PTPRD: variants seen among roughly 807,000 people sequenced by gnomAD.
The protein encoded by PTPRD is protein tyrosine phosphatase receptor type D, also known as receptor-type tyrosine-protein phosphatase delta.
PTPRD carries 34 observed loss-of-function variants against 214.5 expected under a neutral mutation model. The observed-to-expected ratio is 0.16, with a 90% CI of 0.12 to 0.21. PTPRD has a LOEUF of 0.21. PTPRD is among the 10% of genes least tolerant of loss of function. The pLI is 1.00. For missense variants in PTPRD, 2,545 were observed against 2,398.7 expected, an observed-to-expected ratio of 1.06 and a Z score of -1.27; for synonymous variants, 1,128 against 845.7, an observed-to-expected ratio of 1.33 and a Z score of -5.79.
chr9:10,475,500 C>A (rs2131888276), intron 2 of PTPRD, among the ~76,000 whole-genome samples: 1 of 151,822 alleles, frequency 6.6e-6, no homozygotes, highest in Non-Finnish European at 1.5e-5. Context: ...AATAGCCTAC[C>A]AACCAAAAAA....
chr9:9,374,658 T>C (rs1013170116), intron 9 of PTPRD, among the ~76,000 whole-genome samples: 1 of 152,200 alleles, frequency 6.6e-6, no homozygotes, highest in East Asian at 1.9e-4. Flanking sequence ...CCTCAATACG[T>C]TGTAACAAAT....
chr9:9,502,136 T>C (rs969934631), intron 8 of PTPRD, among the ~76,000 whole-genome samples: 1 of 151,868 alleles, frequency 6.6e-6, no homozygotes, highest in Non-Finnish European at 1.5e-5. Context: ...TATGAACACT[T>C]AAGAGCTATC....
intron 14 of PTPRD, among the ~76,000 whole-genome samples, chr9:8,611,099 C>T (rs369888783): frequency 9.9e-5 from 15 of 152,250 alleles, no homozygotes; most frequent in South Asian, 4.1e-4. Context: ...CAAAAGATTA[C>T]ATTTCTTATA....
chr9:10,171,797 A>C (rs1057306781), intron 3 of PTPRD, among the ~76,000 whole-genome samples: 1 of 152,202 alleles, frequency 6.6e-6, no homozygotes. Flanking sequence ...TGCTGGGATT[A>C]CAGGCATGAG....
chr9:8,812,761 A>G lies in PTPRD; in HGVS notation c.-103-78815T>C, dbSNP rs111683813. ...GCTTGAAGGCTAATAAAATATACAA[A>G]CTTTTTTTTTAAAGACAGTAATGAT... On this transcript the variant is annotated intron_variant, in intron 11 of 45. Transcript: ENST00000381196. 3.0e-4 allele frequency among the ~76,000 whole-genome samples: 45 copies of G among 151,648 alleles called. 1 individual carries two copies. The highest frequency in any genetic ancestry group is 1.1e-3 in the African/African-American group (45 of 41,350).
At chr9:10,598,704 G>GTGT (rs57813093) in intron 2 of PTPRD, among the ~76,000 whole-genome samples, 1 of 109,420 alleles carries the variant, frequency 9.1e-6, no homozygotes, top group Non-Finnish European at 1.8e-5. Context: ...GTGTGTGTGT[G>GTGT]GTGTGTGGTG....
intron 10 of PTPRD, among the ~76,000 whole-genome samples, chr9:9,128,473 A>G (rs1217955217): frequency 1.3e-5 from 2 of 152,352 alleles, no homozygotes; most frequent in East Asian, 3.9e-4. Flanking sequence ...TTATACACGT[A>G]TGCATAATAA....
intron 2 of PTPRD, among the ~76,000 whole-genome samples, chr9:10,418,403 T>C (rs1239404912): frequency 1.3e-5 from 2 of 150,344 alleles, no homozygotes; most frequent in South Asian, 2.1e-4. Context: ...TTCTCTCTAC[T>C]AGTGGGGCCT....
intron 9 of PTPRD, among the ~76,000 whole-genome samples, chr9:9,275,495 C>A (rs1230552846): frequency 6.6e-6 from 1 of 150,930 alleles, no homozygotes; most frequent in Non-Finnish European, 1.5e-5. Context: ...TTACATATCT[C>A]AGTCTTGGAA....
chr9:8,318,022 C>T, intron 45 of PTPRD, 80 bp from the exon 46 acceptor site: 1 of 1,294,498 alleles, frequency 7.7e-7, no homozygotes, highest in Non-Finnish European at 1.1e-6. Flanking sequence ...ATCAATATTG[C>T]ATAACAAAAT....
At chr9:9,884,350 C>A (rs557689159) in intron 5 of PTPRD, among the ~76,000 whole-genome samples, 19 of 152,218 alleles carry the variant, frequency 1.2e-4, no homozygotes, top group African/African-American at 4.6e-4. Flanking sequence ...AAGAAAGCAA[C>A]AACATCTATT....
chr9:9,783,766 C>A (rs1173703508), intron 5 of PTPRD, among the ~76,000 whole-genome samples: 1 of 151,576 alleles, frequency 6.6e-6, no homozygotes, highest in Non-Finnish European at 1.5e-5. Context: ...TGATTTTTCA[C>A]CACCTTTATC....
rs1176727192 is a variant in PTPRD at position 9,237,774 on chromosome 9, A to AT, written c.-202-54412dup. 5.3e-5 allele frequency among the ~76,000 whole-genome samples: 8 copies of AT among 151,816 alleles called. No homozygotes were observed. The East Asian group carries it at 7.7e-4, about 15-fold the overall frequency. The stretch of plus-strand genomic sequence containing the variant: ...AGAACTTCTTAGTCAACTAAAACCC[A>AT]TTTTTTCAAATCCCTGCTATCTATA... On this transcript the variant is annotated intron_variant, in intron 9 of 45. Coordinates refer to ENST00000381196, the MANE Select transcript of PTPRD (RefSeq NM_002839.4).
intron 3 of PTPRD, among the ~76,000 whole-genome samples, chr9:10,050,996 A>C (rs1443092946): frequency 6.6e-6 from 1 of 152,150 alleles, no homozygotes; most frequent in Non-Finnish European, 1.5e-5. Context: ...AGTGTAAAAT[A>C]TATATTATCC....
chr9:8,476,396 G>C (rs1246836935), intron 30 of PTPRD, among the ~76,000 whole-genome samples: 1 of 152,068 alleles, frequency 6.6e-6, no homozygotes, highest in African/African-American at 2.4e-5. Flanking sequence ...TGTGTGGTCG[G>C]GTTCCTAACA....
chr9:9,354,273 T>C (rs2052746768), intron 9 of PTPRD, among the ~76,000 whole-genome samples: 2 of 151,816 alleles, frequency 1.3e-5, no homozygotes, highest in Non-Finnish European at 2.9e-5. Flanking sequence ...TACAGGGACA[T>C]GTATGGGTAT....
chr9:9,668,684 T>C (rs536211499), intron 7 of PTPRD, among the ~76,000 whole-genome samples: 2 of 152,058 alleles, frequency 1.3e-5, no homozygotes, highest in African/African-American at 2.4e-5. Flanking sequence ...AAAGCTACTT[T>C]TACCTATTTA....
chr9:9,053,316 T>C (rs2099689958), intron 10 of PTPRD, among the ~76,000 whole-genome samples: 2 of 152,186 alleles, frequency 1.3e-5, no homozygotes, highest in Admixed American at 1.3e-4. Flanking sequence ...TAAGAAATAA[T>C]CATTAAAAAT....
intron 3 of PTPRD, among the ~76,000 whole-genome samples, chr9:10,340,370 G>C (rs1313624200): frequency 1.3e-5 from 2 of 151,846 alleles, no homozygotes; most frequent in Admixed American, 6.6e-5. Flanking sequence ...TCACGATTTA[G>C]TTTTCTCTTA....
Sources: allele counts gnomAD v4.1 joint callset (sites outside exome capture counted in the v4.1 genomes callset), GRCh38; gene constraint gnomAD v4.1.1; transcripts MANE v1.5; gene names NCBI Gene and HGNC (gene_info 2026-07-23, HGNC 2026-07-21).